FAM124A: variants seen among roughly 807,000 people sequenced by gnomAD.
The protein encoded by FAM124A is protein FAM124A.
Under a neutral mutation model 24.5 loss-of-function variants are expected in FAM124A, and 23 were observed. That is an observed-to-expected ratio of 0.94 (90% CI 0.68 to 1.33). The LOEUF is 1.33. Ranked by LOEUF, FAM124A falls within the 40% of genes most tolerant of loss-of-function variation. The pLI is 0.00. For missense variants in FAM124A, 623 were observed against 722.8 expected (o/e 0.86, Z 1.58); for synonymous variants, 287 against 314.7 (o/e 0.91, Z 0.93).
At chr13:51,225,976 CTTTTTTTTTTT>C (rs780570797) in intron 1 of FAM124A, among the ~76,000 whole-genome samples, 1,049 of 67,588 alleles carry the variant, frequency 0.016, 25 homozygotes, top group African/African-American at 0.07. Context: ...TGCTTGCTTT[CTTTTTTTTTTT>C]TTTTTTTTTT....
intron 2 of FAM124A, chr13:51,245,172 G>C: frequency 2.3e-6 from 1 of 428,820 alleles, no homozygotes; most frequent in African/African-American, 2.0e-5. Flanking sequence ...GGTGGTGTCT[G>C]ATTTACATAG....
At chr13:51,278,647 T>G (rs1954907685) in intron 3 of FAM124A, among the ~76,000 whole-genome samples, 4 of 152,216 alleles carry the variant, frequency 2.6e-5, no homozygotes, top group Admixed American at 2.6e-4. Flanking sequence ...GCAGCTCCAC[T>G]GTGCACGTGG....
chr13:51,242,833 A>G (rs1178432776), intron 2 of FAM124A, among the ~76,000 whole-genome samples: 2 of 152,138 alleles, frequency 1.3e-5, no homozygotes, highest in Admixed American at 6.5e-5. Flanking sequence ...CATCGCTGAC[A>G]TTGTTCCTCC....
intron 2 of FAM124A, among the ~76,000 whole-genome samples, chr13:51,235,466 T>C (rs1954426502): frequency 6.6e-6 from 1 of 152,220 alleles, no homozygotes; most frequent in Admixed American, 6.5e-5. Flanking sequence ...CAAATTAAGA[T>C]TATAATCATA....
At position 51,251,878 on chromosome 13, in the gene FAM124A, A is replaced by G. The variant is rs756159316; in HGVS notation, c.511A>G (p.Ile171Val). 1.2e-6 allele frequency: 2 copies of G among 1,613,976 alleles called. No homozygotes were observed. The highest frequency in any genetic ancestry group is 1.7e-5 in the Admixed American group (1 of 60,026). The change falls in exon 3 of 4, where the codon ATC becomes GTC. Residue 171 changes from isoleucine (I) to valine (V), a missense_variant. Transcript: ENST00000322475. This position sits in a 1 kb window ranked among gnomAD's most constrained non-coding sequence, Gnocchi z 5.3. ...CCGGCCCGTGCACTACGGCAAGGAA[A>G]TCGTGCGCTTCACCGTCTACTGTCG... ...AIRPVHYGKE[I>V]VRFTVYCRYD...
intron 2 of FAM124A, 95 bp downstream of exon 2, chr13:51,231,474 T>A: frequency 7.7e-7 from 1 of 1,305,978 alleles, no homozygotes; most frequent in Non-Finnish European, 1.1e-6. Context: ...TTATAGTAGG[T>A]AAGAATCACC....
chr13:51,245,207 G>T (rs1384491341), intron 2 of FAM124A: 3 of 470,014 alleles, frequency 6.4e-6, no homozygotes, highest in East Asian at 6.7e-5. Context: ...GTCGGACCAG[G>T]TGTGCCATTT....
chr13:51,280,451 C>A lies in FAM124A; in HGVS notation c.836C>A (p.Ala279Glu), dbSNP rs779021654. The A allele has an allele frequency of 1.0e-4, 163 of 1,594,204 alleles. No individual in the cohort carries two copies. Among genetic ancestry groups the A allele is most frequent in the Non-Finnish European group, 1.4e-4 (160 of 1,168,472 alleles). Residue 279 changes from alanine to glutamate, a missense_variant and splice_region_variant, in exon 4 of 4, where the codon GCA (alanine) becomes GAA (glutamate). Transcript: ENST00000322475. ...DHDGNKILLQ[A>E]QRVHKKFPKP... ...TGTGATCTGCCTCTCCCCCCACAGG[C>A]ACAAAGGGTGCATAAGAAGTTTCCT... is the stretch of plus-strand genomic sequence containing the variant.
intron 3 of FAM124A, among the ~76,000 whole-genome samples, chr13:51,257,659 C>T (rs1244871502): frequency 6.6e-6 from 1 of 152,202 alleles, no homozygotes; most frequent in African/African-American, 2.4e-5. Flanking sequence ...CTTGCTCACT[C>T]TCCTTCTCCT....
In FAM124A at chr13:51,281,285, A is replaced by C. The variant is rs1479958525; in HGVS notation, c.*29A>C. 6.6e-7 allele frequency: 1 copy of C among 1,525,512 alleles called. No homozygotes were observed. Among genetic ancestry groups the C allele is most frequent in the Admixed American group, 1.9e-5 (1 of 51,436 alleles). 94.5% of individuals were successfully genotyped at this position (1,525,512 alleles called of 1,614,324 possible). A position where few individuals can be genotyped will look rare whatever the true frequency, so the allele number is the denominator to read the frequency against. The stretch of plus-strand genomic sequence containing the variant: ...CCCTCTGCTCTTGTTCTCGAAACAC[A>C]CAAACTCAGAGACACAGACTCAGGC... On this transcript the variant is annotated 3_prime_UTR_variant, in exon 4 of 4. Coordinates refer to ENST00000322475, the MANE Select transcript of FAM124A (RefSeq NM_001242312.2).
chr13:51,249,233 A>T (rs1954595742), intron 2 of FAM124A, among the ~76,000 whole-genome samples: 1 of 152,234 alleles, frequency 6.6e-6, no homozygotes, highest in Admixed American at 6.5e-5. Flanking sequence ...TGCCTCCTCC[A>T]GGAAGCCTTC....
At chr13:51,247,585 C>T (rs898804237) in intron 2 of FAM124A, among the ~76,000 whole-genome samples, 1 of 152,314 alleles carries the variant, frequency 6.6e-6, no homozygotes, top group East Asian at 1.9e-4. Flanking sequence ...AGCTTCTTTT[C>T]CCAGACTTTC....
rs1167036833 is a variant in FAM124A, at chr13:51,241,860, A to G, written c.101-9608A>G. On this transcript the variant is annotated intron_variant, in intron 2 of 3. Coordinates refer to ENST00000322475, the MANE Select transcript of FAM124A (RefSeq NM_001242312.2). Reference sequence around the variant, plus strand: ...ATCTACTGCGTTCAGGACGTGTTTTATAAGCACATATGCAGTGGCTTTTCT... The same window carrying G: ...ATCTACTGCGTTCAGGACGTGTTTTGTAAGCACATATGCAGTGGCTTTTCT... 3.3e-5 allele frequency among the ~76,000 whole-genome samples: 5 copies of G among 152,190 alleles called. No individual in the cohort carries two copies. In the East Asian group the frequency reaches 9.6e-4, roughly 29 times the overall value.
chr13:51,263,218 G>T (rs9596487), intron 3 of FAM124A, among the ~76,000 whole-genome samples: 72 of 152,332 alleles, frequency 4.7e-4, no homozygotes, highest in African/African-American at 1.7e-3. Context: ...AAAAGCCCAC[G>T]CTGGCCTGCC....
At position 51,272,232 on chromosome 13, in the gene FAM124A, A is replaced by G. The variant is rs1276000505; in HGVS notation, c.835-8218A>G. Among the ~76,000 whole-genome samples, 2 of 152,064 alleles carry G rather than the reference A, an allele frequency of 1.3e-5. No homozygotes were observed. The highest frequency in any genetic ancestry group is 2.9e-5 in the Non-Finnish European group (2 of 68,012). ...CTTACAAGGAAGTTGGGGGCACAGG[A>G]GGTCAGTAGGTTGGCTTTGGGGGCA... On this transcript the variant is annotated intron_variant, in intron 3 of 3. Coordinates refer to ENST00000322475, the MANE Select transcript of FAM124A (RefSeq NM_001242312.2). The surrounding 1 kb of genome is among the most constrained non-coding windows in gnomAD (Gnocchi z 4.2).
chr13:51,267,246 A>G (rs929560392), intron 3 of FAM124A, among the ~76,000 whole-genome samples: 2 of 152,362 alleles, frequency 1.3e-5, no homozygotes, highest in African/African-American at 4.8e-5. Context: ...AAGCATGTAG[A>G]TAAACCCTCC....
chr13:51,263,971 C>T (rs1169828004), intron 3 of FAM124A, among the ~76,000 whole-genome samples: 1 of 152,138 alleles, frequency 6.6e-6, no homozygotes, highest in African/African-American at 2.4e-5. Flanking sequence ...TTTCTGGGTG[C>T]TAAATCTCAT....
At chr13:51,224,550 A>C (rs1257583994) in intron 1 of FAM124A, among the ~76,000 whole-genome samples, 1 of 152,216 alleles carries the variant, frequency 6.6e-6, no homozygotes, top group Non-Finnish European at 1.5e-5. Context: ...ATGTATGCTA[A>C]TTAGTTTTGT....
intron 2 of FAM124A, chr13:51,245,165 G>A: frequency 2.4e-6 from 1 of 423,216 alleles, no homozygotes; most frequent in Non-Finnish European, 4.2e-6. Flanking sequence ...TTGAGGAGGT[G>A]GTGTCTGATT....
Sources: allele counts gnomAD v4.1 joint callset (sites outside exome capture counted in the v4.1 genomes callset), GRCh38; gene constraint gnomAD v4.1.1; non-coding constraint Gnocchi (gnomAD v3.1); transcripts MANE v1.5; gene names NCBI Gene and HGNC (gene_info 2026-07-23, HGNC 2026-07-21).